The following SDC2 variants were observed in gnomAD, a reference collection of about 807,000 sequenced individuals.
The protein encoded by SDC2 is syndecan 2.
A neutral mutation model predicts 22.2 loss-of-function variants in SDC2; 13 were observed. The observed-to-expected ratio is 0.59, with a 90% CI of 0.38 to 0.93. SDC2 has a LOEUF of 0.93. SDC2 is among the 40% of genes least tolerant of loss of function. The pLI is 0.00. For synonymous variants in SDC2, 94 were observed against 92.8 expected (o/e 1.01, Z -0.07); for missense variants, 235 against 246.8 (o/e 0.95, Z 0.32).
At position 96,602,431 on chromosome 8, in the gene SDC2, C is replaced by T. The variant is rs1280912789; in HGVS notation, c.209C>T (p.Thr70Ile). The T allele has an allele frequency of 3.7e-6, 6 of 1,614,152 alleles. No individual in the cohort carries two copies. The highest frequency in any genetic ancestry group is 5.1e-6 in the Non-Finnish European group (6 of 1,179,986). ...GATGTAGAGAGTCCAGAGCTGACAA[C>T]ATCTCGACCACTTCCAAAGATACTG... ...DEDVESPELT[T>I]SRPLPKILLT... Residue 70 changes from threonine to isoleucine, a missense_variant, in exon 3 of 5, where the codon ACA (threonine) becomes ATA (isoleucine). Physicochemically the swap from Thr to Ile is moderately conservative, Grantham distance 89. Coordinates refer to ENST00000302190, the MANE Select transcript of SDC2 (RefSeq NM_002998.4).
rs925074084 is a variant in SDC2 at position 96,610,337 on chromosome 8, G to T, written c.*789G>T. ...TTAAGAAGTTGCTGCAGATTCCTTT[G>T]GCCACTGTATTTGTTAATTTCTTGC... On this transcript the variant is annotated 3_prime_UTR_variant, in exon 5 of 5. Coordinates refer to ENST00000302190, the MANE Select transcript of SDC2 (RefSeq NM_002998.4). The T allele has an allele frequency of 6.6e-6, 1 of 152,530 alleles. No individual in the cohort carries two copies. The highest frequency in any genetic ancestry group is 2.4e-5 in the African/African-American group (1 of 41,410). 9.4% of individuals were successfully genotyped at this position (152,530 alleles called of 1,614,324 possible). A position where few individuals can be genotyped will look rare whatever the true frequency, so the allele number is the denominator to read the frequency against.
chr8:96,593,201 A>G (rs540358812), intron 1 of SDC2, among the ~76,000 whole-genome samples: 10 of 152,360 alleles, frequency 6.6e-5, no homozygotes, highest in African/African-American at 2.2e-4. Flanking sequence ...GTGGAATGCA[A>G]CAAAATAAGC....
At chr8:96,528,302 G>A (rs886210850) in intron 1 of SDC2, among the ~76,000 whole-genome samples, 6 of 152,052 alleles carry the variant, frequency 3.9e-5, no homozygotes, top group Non-Finnish European at 7.4e-5. Flanking sequence ...AAAACTCTAA[G>A]TGATTGCTCA....
chr8:96,570,280 A>G (rs867716106), intron 1 of SDC2, among the ~76,000 whole-genome samples: 9 of 152,350 alleles, frequency 5.9e-5, no homozygotes, highest in African/African-American at 1.9e-4. Flanking sequence ...AGTAGTCTCC[A>G]GTGATGTTTT....
intron 2 of SDC2, among the ~76,000 whole-genome samples, chr8:96,600,752 CAGG>C (rs2130649650): frequency 6.6e-6 from 1 of 152,234 alleles, no homozygotes. Context: ...TGCAAGGTCA[CAGG>C]AGGAGAAGAC....
intron 1 of SDC2, among the ~76,000 whole-genome samples, chr8:96,572,595 A>T (rs1352319101): frequency 6.7e-6 from 1 of 149,474 alleles, no homozygotes; most frequent in African/African-American, 2.5e-5. Flanking sequence ...CTAATTTGTT[A>T]AAAAAAACAA....
At chr8:96,528,810 T>C (rs1485635250) in intron 1 of SDC2, among the ~76,000 whole-genome samples, 1 of 152,190 alleles carries the variant, frequency 6.6e-6, no homozygotes, top group Non-Finnish European at 1.5e-5. Context: ...GGATTTATGA[T>C]CCTTAATATC....
At chr8:96,546,007 G>A (rs1813926198) in intron 1 of SDC2, among the ~76,000 whole-genome samples, 2 of 152,230 alleles carry the variant, frequency 1.3e-5, no homozygotes, top group African/African-American at 2.4e-5. Context: ...GCTCTACAGG[G>A]TAGAATTTAT....
intron 1 of SDC2, among the ~76,000 whole-genome samples, chr8:96,501,838 T>G (rs2130423343): frequency 6.6e-6 from 1 of 152,288 alleles, no homozygotes; most frequent in Non-Finnish European, 1.5e-5. Context: ...AGGAGAAATG[T>G]GAAGATTAAC....
chr8:96,516,302 A>C (rs1177381899), intron 1 of SDC2, among the ~76,000 whole-genome samples: 1 of 152,208 alleles, frequency 6.6e-6, no homozygotes, highest in African/African-American at 2.4e-5. Flanking sequence ...AAACATAGCA[A>C]GCGTTATCTA....
At chr8:96,500,209 T>TG (rs576327490) in intron 1 of SDC2, among the ~76,000 whole-genome samples, 141 of 152,232 alleles carry the variant, frequency 9.3e-4, no homozygotes, top group African/African-American at 3.2e-3. Flanking sequence ...TCCTCTTCCC[T>TG]GAGGCTGTGC....
intron 1 of SDC2, among the ~76,000 whole-genome samples, chr8:96,544,492 T>G (rs1307988064): frequency 6.6e-6 from 1 of 152,192 alleles, no homozygotes; most frequent in Non-Finnish European, 1.5e-5. Flanking sequence ...CTCAATGATG[T>G]TTTCTCTGTT....
intron 1 of SDC2, among the ~76,000 whole-genome samples, chr8:96,577,758 C>T (rs1267534794): frequency 6.6e-6 from 1 of 152,146 alleles, no homozygotes; most frequent in East Asian, 1.9e-4. Flanking sequence ...TTCCCCTGAA[C>T]CCCTGGCAAC....
At chr8:96,583,797 G>A (rs867066277) in intron 1 of SDC2, among the ~76,000 whole-genome samples, 6 of 150,076 alleles carry the variant, frequency 4.0e-5, no homozygotes, top group Admixed American at 2.0e-4. Context: ...TTAATATGTC[G>A]TTACAAACAC....
intron 1 of SDC2, among the ~76,000 whole-genome samples, chr8:96,557,452 A>G (rs1206501525): frequency 3.3e-5 from 5 of 149,546 alleles, no homozygotes; most frequent in African/African-American, 9.8e-5. Flanking sequence ...GCCTTAAAAA[A>G]TGATGAGTTC....
intron 1 of SDC2, among the ~76,000 whole-genome samples, chr8:96,590,561 C>T (rs1409669532): frequency 6.6e-6 from 1 of 152,180 alleles, no homozygotes; most frequent in Non-Finnish European, 1.5e-5. Context: ...TAGGCATGTT[C>T]ATTCCAGAAA....
intron 1 of SDC2, among the ~76,000 whole-genome samples, chr8:96,553,781 T>C (rs1814065496): frequency 6.6e-6 from 1 of 152,146 alleles, no homozygotes; most frequent in African/African-American, 2.4e-5. Context: ...GATTTTTTTT[T>C]TTGTTTTGGA....
chr8:96,528,934 C>T (rs931595209), intron 1 of SDC2, among the ~76,000 whole-genome samples: 1 of 152,154 alleles, frequency 6.6e-6, no homozygotes, highest in South Asian at 2.1e-4. Flanking sequence ...GCTACTTTAC[C>T]TCTCTTGGTC....
chr8:96,601,140 T>C (rs561104594), intron 2 of SDC2, among the ~76,000 whole-genome samples: 1 of 152,118 alleles, frequency 6.6e-6, no homozygotes, highest in African/African-American at 2.4e-5. Context: ...CACTTGACAG[T>C]GTGCAGTGGT....
Sources: allele counts gnomAD v4.1 joint callset (sites outside exome capture counted in the v4.1 genomes callset), GRCh38; gene constraint gnomAD v4.1.1; transcripts MANE v1.5; gene names NCBI Gene and HGNC (gene_info 2026-07-23, HGNC 2026-07-21).